The following SCLT1 variants were observed in gnomAD, a reference collection of about 807,000 sequenced individuals.
The protein encoded by SCLT1 is sodium channel-associated protein 1.
SCLT1 carries 78 observed loss-of-function variants against 112.8 expected under a neutral mutation model. That is an observed-to-expected ratio of 0.69 (90% CI 0.58 to 0.83). SCLT1 has a LOEUF of 0.83. Ranked by LOEUF, SCLT1 falls within the 40% of genes least tolerant of loss-of-function variation. SCLT1 has a pLI of 0.00. For synonymous variants in SCLT1, 257 were observed against 254.7 expected, an observed-to-expected ratio of 1.01 and a Z score of -0.09; for missense variants, 747 against 770.4, an observed-to-expected ratio of 0.97 and a Z score of 0.36.
intron 1 of SCLT1, among the ~76,000 whole-genome samples, chr4:129,087,486 A>G (rs576046002): frequency 1.4e-5 from 2 of 140,076 alleles, no homozygotes; most frequent in South Asian, 2.5e-4. Context: ...ATTGGGAAGG[A>G]AAAAAAAAAA....
At chr4:128,884,602 C>T in intron 20 of SCLT1, 63 bp from the exon 21 acceptor site, 1 of 1,040,292 alleles carries the variant, frequency 9.6e-7, no homozygotes, top group African/African-American at 1.6e-5. Context: ...TAGATTAATA[C>T]AAAGAAGAAT....
chr4:129,012,608 T>G (rs2126106606), intron 5 of SCLT1, among the ~76,000 whole-genome samples: 1 of 152,186 alleles, frequency 6.6e-6, no homozygotes, highest in Non-Finnish European at 1.5e-5. Flanking sequence ...GTCTAATATT[T>G]TCAGTGTGGT....
chr4:128,909,379 A>T (rs911243241), intron 18 of SCLT1, among the ~76,000 whole-genome samples: 1 of 152,100 alleles, frequency 6.6e-6, no homozygotes, highest in Admixed American at 6.6e-5. Flanking sequence ...CCTCCCAAGT[A>T]GCTAGAACTA....
chr4:128,897,136 A>T (rs1338199284), intron 18 of SCLT1, among the ~76,000 whole-genome samples: 1 of 152,192 alleles, frequency 6.6e-6, no homozygotes, highest in Admixed American at 6.5e-5. Flanking sequence ...CAATCTAGCA[A>T]GGCAGGCCAA....
At chr4:129,042,812 CT>C (rs1747819808) in intron 4 of SCLT1, among the ~76,000 whole-genome samples, 1 of 152,088 alleles carries the variant, frequency 6.6e-6, no homozygotes, top group Non-Finnish European at 1.5e-5. Flanking sequence ...CCACACCCAG[CT>C]AACTTCATTC....
At chr4:129,045,291 A>T (rs1450795267) in intron 2 of SCLT1, among the ~76,000 whole-genome samples, 1 of 152,112 alleles carries the variant, frequency 6.6e-6, no homozygotes, top group Non-Finnish European at 1.5e-5. Context: ...ACTGGAAGAC[A>T]CCAGGAGCAA....
At chr4:129,048,020 T>C (rs1748356822) in intron 2 of SCLT1, among the ~76,000 whole-genome samples, 2 of 152,172 alleles carry the variant, frequency 1.3e-5, no homozygotes, top group South Asian at 4.1e-4. Context: ...TTGCCTTTCT[T>C]GCTTATGCCT....
chr4:129,079,245 A>G (rs1406994430), intron 2 of SCLT1, among the ~76,000 whole-genome samples: 1 of 152,056 alleles, frequency 6.6e-6, no homozygotes, highest in African/African-American at 2.4e-5. Flanking sequence ...CCAAGTCTTA[A>G]CTCATTTCAG....
intron 5 of SCLT1, among the ~76,000 whole-genome samples, chr4:129,027,939 G>C (rs1434016897): frequency 2.6e-5 from 4 of 151,998 alleles, no homozygotes; most frequent in Admixed American, 1.3e-4. Flanking sequence ...GCTTCAAAGA[G>C]AATAAAATAC....
At chr4:128,962,497 T>C (rs1739826967) in intron 11 of SCLT1, among the ~76,000 whole-genome samples, 1 of 152,210 alleles carries the variant, frequency 6.6e-6, no homozygotes, top group African/African-American at 2.4e-5. Flanking sequence ...TTTATACTGA[T>C]AATATTAGAC....
At chr4:129,083,420 C>CTT (rs1752125773) in intron 1 of SCLT1, among the ~76,000 whole-genome samples, 1 of 114,046 alleles carries the variant, frequency 8.8e-6, no homozygotes, top group Non-Finnish European at 1.8e-5. Flanking sequence ...TGTTATCTTA[C>CTT]AATAGCACTA....
intron 5 of SCLT1, among the ~76,000 whole-genome samples, chr4:129,028,458 A>G (rs1274114314): frequency 1.3e-5 from 2 of 152,198 alleles, no homozygotes; most frequent in African/African-American, 4.8e-5. Flanking sequence ...TGGTGCTGGG[A>G]AAACTGGCTA....
chr4:129,014,900 T>C (rs939933487), intron 5 of SCLT1, among the ~76,000 whole-genome samples: 6 of 151,880 alleles, frequency 4.0e-5, no homozygotes, highest in African/African-American at 1.5e-4. Flanking sequence ...CTGGGATGGG[T>C]GTGGGGGGCC....
At chr4:128,876,764 G>C (rs767253025) in intron 3 of SCLT1, 1 of 152,164 alleles carries the variant, frequency 6.6e-6, no homozygotes, top group Non-Finnish European at 1.5e-5. Context: ...TGAAGAGATT[G>C]CTTATTGGGC....
intron 18 of SCLT1, among the ~76,000 whole-genome samples, chr4:128,912,302 T>C (rs1042824611): frequency 1.3e-5 from 2 of 152,180 alleles, no homozygotes; most frequent in Admixed American, 1.3e-4. Context: ...CCCAGAGATA[T>C]GGAAGTACCA....
At chr4:129,025,793 T>C (rs1242471476) in intron 5 of SCLT1, among the ~76,000 whole-genome samples, 1 of 151,762 alleles carries the variant, frequency 6.6e-6, no homozygotes, top group Non-Finnish European at 1.5e-5. Context: ...GTGTGCTGTA[T>C]TCAGGAAACC....
At chr4:129,003,958 G>A in intron 5 of SCLT1, 82 bp from the exon 6 acceptor site, 34 of 1,237,488 alleles carry the variant, frequency 2.7e-5, no homozygotes, top group East Asian at 1.5e-4. Context: ...TAAACATTTG[G>A]GTCAACAATA....
chr4:129,019,432 A>C (rs1361319074), intron 5 of SCLT1, among the ~76,000 whole-genome samples: 1 of 152,218 alleles, frequency 6.6e-6, no homozygotes, highest in African/African-American at 2.4e-5. Context: ...AAGCCATTGA[A>C]TATGGCTGCA....
At position 128,960,643 on chromosome 4, in the gene SCLT1, G is replaced by A. The variant is rs189164827; in HGVS notation, c.870-866C>T. 3.3e-3 allele frequency among the ~76,000 whole-genome samples: 503 copies of A among 152,106 alleles called. 3 individuals are homozygous for A. The highest frequency in any genetic ancestry group is 0.011 in the Admixed American group (171 of 15,268). ...CTTTATAAGAACTCTAAATTAGGCC[G>A]GGCGCGGTGGCTCACGCCTGTAATC... On this transcript the variant is annotated intron_variant, in intron 11 of 20. Coordinates refer to ENST00000281142, the MANE Select transcript of SCLT1 (RefSeq NM_144643.4).
Sources: gnomAD v4.1 joint callset for allele counts (sites outside exome capture counted in the v4.1 genomes callset) on GRCh38, gnomAD v4.1.1 for gene constraint, MANE v1.5 for transcripts, NCBI Gene and HGNC (gene_info 2026-07-23, HGNC 2026-07-21) for gene names.